The following MYH7 variants were observed in gnomAD, a reference collection of about 807,000 sequenced individuals.
The protein encoded by MYH7 is myosin heavy chain 7, also known as myosin-7.
Under a neutral mutation model 225.4 loss-of-function variants are expected in MYH7, and 129 were observed. That is an observed-to-expected ratio of 0.57 (90% confidence interval 0.50 to 0.66). MYH7 has a LOEUF of 0.66. Ranked by LOEUF, MYH7 falls within the 30% of genes least tolerant of loss-of-function variation. The pLI is 0.00. For synonymous variants in MYH7, 971 were observed against 1,007.6 expected (o/e 0.96, Z 0.69); for missense variants, 1,649 against 2,517.0 (o/e 0.66, Z 7.38).
At chr14:23,417,110 T>G (rs3729824) in intron 32 of MYH7, 43 bp downstream of exon 32, 1 of 1,614,146 alleles carries the variant, frequency 6.2e-7, no homozygotes, top group Non-Finnish European at 8.5e-7. Context: ...ATGGGAACAC[T>G]GCCAGTGCAG....
intron 25 of MYH7, chr14:23,421,893 A>T (rs1035694040): frequency 9.0e-5 from 53 of 587,992 alleles, no homozygotes; most frequent in Middle Eastern, 8.5e-4. Context: ...CCAAAGAGAG[A>T]TGTGTATGAA....
At chr14:23,421,866 T>C (rs1892485318) in intron 25 of MYH7, 32 of 806,740 alleles carry the variant, frequency 4.0e-5, no homozygotes, top group Non-Finnish European at 3.9e-5. Context: ...CCTTCCTCCA[T>C]GTCAAGGAAC....
Position 23,424,763 on chromosome 14 carries a change from C to G in MYH7, c.2679+6G>C. 6.2e-7 allele frequency: 1 copy of G among 1,614,014 alleles called. No individual in the cohort carries two copies. The highest frequency in any genetic ancestry group is 8.5e-7 in the Non-Finnish European group (1 of 1,180,034). ...GGAAGAGCCAACAGTAGCCCAGGAG[C>G]CTCACCGCCTGCACTTGGAGCTGCA... On this transcript the variant is annotated splice_donor_region_variant and intron_variant, in intron 22 of 39. Transcript: ENST00000355349.
chr14:23,427,771 T>C lies in MYH7; in HGVS notation c.1702A>G (p.Asn568Asp), dbSNP rs774163584. 1.2e-6 allele frequency: 2 copies of C among 1,614,198 alleles called. No homozygotes were observed. Among genetic ancestry groups the C allele is most frequent in the Non-Finnish European group, 1.7e-6 (2 of 1,180,040 alleles). Residue 568 changes from asparagine (N) to aspartate (D), a missense_variant, in exon 16 of 40, where the codon AAT becomes GAT. Coordinates refer to ENST00000355349, the MANE Select transcript of MYH7 (RefSeq NM_000257.4). ...GKSANFQKPR[N>D]IKGKPEAHFS... is the part of the protein sequence containing the mutation. The stretch of plus-strand genomic sequence containing the variant: ...TGGGCTTCAGGCTTCCCCTTGATAT[T>C]GCGTGGCTTCTGGAAGTTGGCGGAT...
intron 30 of MYH7, 73 bp from the exon 31 acceptor site, chr14:23,417,759 CCTTCTCAAAGA>C (rs1892286456): frequency 6.4e-7 from 1 of 1,566,794 alleles, no homozygotes; most frequent in African/African-American, 1.4e-5. Context: ...ACAACATGAA[CCTTCTCAAAGA>C]CAATCCTTGA....
chr14:23,419,667 G>T, intron 27 of MYH7, 58 bp from the exon 28 acceptor site: 1 of 1,613,454 alleles, frequency 6.2e-7, no homozygotes, highest in South Asian at 1.1e-5. Flanking sequence ...ATGAAGGGGT[G>T]TAAGAGGTGC....
intron 6 of MYH7, 34 bp from the exon 7 acceptor site, chr14:23,431,903 A>G (rs921664908): frequency 1.9e-6 from 3 of 1,600,086 alleles, no homozygotes; most frequent in Non-Finnish European, 2.6e-6. Flanking sequence ...GCAGTGAACA[A>G]TACTACTGGA....
chr14:23,427,983 G>T, intron 15 of MYH7, 89 bp from the exon 16 acceptor site: 1 of 1,531,170 alleles, frequency 6.5e-7, no homozygotes. Context: ...GCTCGTGGAG[G>T]TGCCATGTTG....
chr14:23,420,199 G>C lies in MYH7; in HGVS notation c.3372C>G (p.Ala1124=), dbSNP rs1372163543. Residue 1124 remains alanine (A), a synonymous_variant, in exon 27 of 40, where the codon GCC becomes GCG. Coordinates refer to ENST00000355349, the MANE Select transcript of MYH7 (RefSeq NM_000257.4). ...CCACCTTAGCCCTGGCGGTGCGCTC[G>C]GCCTCCAGCTCCTCCTCCAGCTCCT... is the stretch of plus-strand genomic sequence containing the variant. The part of the protein sequence containing the change: ...RIEELEEELE[A]ERTARAKVEK... The C allele has an allele frequency of 6.2e-7, 1 of 1,608,344 alleles. No individual in the cohort carries two copies.
At position 23,419,206 on chromosome 14, in the gene MYH7, G is replaced by A. The variant is rs1410616733; in HGVS notation, c.3943C>T (p.Leu1315Phe). The A allele has an allele frequency of 6.2e-7, 1 of 1,614,216 alleles. No homozygotes were observed. The highest frequency in any genetic ancestry group is 1.1e-5 in the South Asian group (1 of 91,086). The stretch of plus-strand genomic sequence containing the variant: ...ACCTCCTCCTCCAGCTGCCTCTTGA[G>A]GTCCTCCAGCTGCTGGGTGTAGGTG... ...KLTYTQQLED[L>F]KRQLEEEVKA... The change falls in exon 29 of 40, where the codon CTC (leucine) becomes TTC (phenylalanine). Residue 1315 changes from leucine (L) to phenylalanine (F), a missense_variant. By Grantham distance (22) the Leu-to-Phe change is conservative. Around this residue, in one of 12 missense-constraint regions of MYH7, gnomAD observed 687 missense variants for 913.8 expected, o/e 0.75. Coordinates refer to ENST00000355349, the MANE Select transcript of MYH7 (RefSeq NM_000257.4).
intron 37 of MYH7, among the ~76,000 whole-genome samples, 164 bp from the exon 38 acceptor site, chr14:23,414,266 T>C (rs1892094281): frequency 6.6e-6 from 1 of 152,218 alleles, no homozygotes; most frequent in Non-Finnish European, 1.5e-5. Flanking sequence ...TATGTGTAAA[T>C]ATTTTAAATG....
At chr14:23,424,227 A>C (rs1595082002) in intron 22 of MYH7, 78 bp from the exon 23 acceptor site, 12 of 1,578,688 alleles carry the variant, frequency 7.6e-6, no homozygotes, top group African/African-American at 1.3e-5. Context: ...GGAGAGGCAC[A>C]TCACTCAAAT....
At chr14:23,423,171 T>C (rs578094589) in intron 24 of MYH7, among the ~76,000 whole-genome samples, 1 of 152,334 alleles carries the variant, frequency 6.6e-6, no homozygotes, top group East Asian at 1.9e-4. Context: ...AAAATTCTAC[T>C]TGGGGAGCCT....
chr14:23,421,148 T>A, intron 25 of MYH7, 100 bp from the exon 26 acceptor site: 1 of 874,752 alleles, frequency 1.1e-6, no homozygotes, highest in Non-Finnish European at 1.9e-6. Context: ...AAGAGTAGGA[T>A]TTCATTAGAA....
rs1437283427 is a variant in MYH7 at position 23,416,857 on chromosome 14, C to T, written c.4644+11G>A. On this transcript the variant is annotated intron_variant, in intron 33 of 39. Transcript: ENST00000355349. ...AGCTCCCTGCACCCCGTGCCCTGCA[C>T]ACACACACACCTCGGCCTCCTCCAG... is the stretch of plus-strand genomic sequence containing the variant. The T allele has an allele frequency of 2.5e-6, 4 of 1,613,998 alleles. No individual in the cohort carries two copies. Among genetic ancestry groups the T allele is most frequent in the East Asian group, 4.5e-5 (2 of 44,876 alleles).
intron 1 of MYH7, among the ~76,000 whole-genome samples, chr14:23,435,286 C>T (rs1893097240): frequency 6.6e-6 from 1 of 152,092 alleles, no homozygotes; most frequent in South Asian, 2.1e-4. Context: ...GATCATACAC[C>T]CACATCTCCC....
In MYH7 at chr14:23,426,767, G is replaced by C; in HGVS notation, c.2044+10C>G. On this transcript the variant is annotated intron_variant, in intron 18 of 39. Transcript: ENST00000355349. ...CCCAGCAGTGGGTTGGCCTGAGTTT[G>C]TGGCCTCACCTGGAGACTTTGTCTC... 1 of 1,613,552 alleles carries C rather than the reference G, an allele frequency of 6.2e-7. No homozygotes were observed. The highest frequency in any genetic ancestry group is 8.5e-7 in the Non-Finnish European group (1 of 1,179,456).
chr14:23,431,374 C>G (rs770217146), intron 9 of MYH7, 44 bp downstream of exon 9: 2 of 1,589,516 alleles, frequency 1.3e-6, no homozygotes, highest in African/African-American at 2.7e-5. Flanking sequence ...TGGTCTAGAG[C>G]AAGGGTGAGC....
rs982518104 is a variant in MYH7, at chr14:23,430,544, G to A, written c.999+16C>T. 3 of 1,603,136 alleles carry A rather than the reference G, an allele frequency of 1.9e-6. No individual in the cohort carries two copies. Among genetic ancestry groups the A allele is most frequent in the African/African-American group, 2.7e-5 (2 of 74,826 alleles). On this transcript the variant is annotated intron_variant, in intron 11 of 39. Transcript: ENST00000355349. The stretch of plus-strand genomic sequence containing the variant: ...GCCAATCCTCCCACCCCCTGGCTGG[G>A]TCCTCACACACTCACATCAGTGGCC...
Sources: gnomAD v4.1 joint callset for allele counts (sites outside exome capture counted in the v4.1 genomes callset) on GRCh38, gnomAD v4.1.1 for gene constraint, gnomAD v4.1.1 regional missense constraint, MANE v1.5 for transcripts, NCBI Gene and HGNC (gene_info 2026-07-23, HGNC 2026-07-21) for gene names.